EHBP1: variants seen among roughly 807,000 people sequenced by gnomAD.
The protein encoded by EHBP1 is EH domain-binding protein 1.
In EHBP1, 55 loss-of-function variants were observed where a neutral mutation model predicts 144.0. That is an observed-to-expected ratio of 0.38 (90% CI 0.31 to 0.48). EHBP1 has a LOEUF of 0.48. Among genes scored for constraint, EHBP1 ranks in the 20% least tolerant of loss-of-function variants. The pLI is 0.98. For synonymous variants in EHBP1, 469 were observed against 472.7 expected (o/e 0.99, Z 0.10); for missense variants, 1,200 against 1,364.2 (o/e 0.88, Z 1.90).
chr2:62,928,694 T>A (rs75133691), intron 10 of EHBP1, among the ~76,000 whole-genome samples: 1,708 of 151,256 alleles, frequency 0.011, 24 homozygotes, highest in Non-Finnish European at 0.016. Context: ...AACCCAAAGC[T>A]AGAAAAAGGA....
intron 19 of EHBP1, among the ~76,000 whole-genome samples, chr2:63,013,049 T>C (rs2060335637): frequency 6.6e-6 from 1 of 152,152 alleles, no homozygotes; most frequent in Non-Finnish European, 1.5e-5. Flanking sequence ...ATTTAAGTCT[T>C]CTAAGAGGTA....
At chr2:62,979,431 A>G (rs2058861335) in intron 15 of EHBP1, 96 bp downstream of exon 15, 1 of 1,344,698 alleles carries the variant, frequency 7.4e-7, no homozygotes, top group African/African-American at 1.5e-5. Flanking sequence ...TGTTGCTTCA[A>G]AAATATAAAG....
At chr2:62,966,672 T>A (rs2058261644) in intron 14 of EHBP1, among the ~76,000 whole-genome samples, 1 of 152,180 alleles carries the variant, frequency 6.6e-6, no homozygotes, top group Non-Finnish European at 1.5e-5. Context: ...CATAAAATAT[T>A]CTTTTATAAG....
At chr2:62,719,657 A>G (rs1009040068) in intron 2 of EHBP1, among the ~76,000 whole-genome samples, 14 of 152,362 alleles carry the variant, frequency 9.2e-5, no homozygotes, top group Admixed American at 7.8e-4. Context: ...AATTGTATCA[A>G]ACATGTACAG....
intron 19 of EHBP1, among the ~76,000 whole-genome samples, chr2:63,016,260 G>A (rs1190487469): frequency 6.6e-6 from 1 of 152,086 alleles, no homozygotes; most frequent in South Asian, 2.1e-4. Context: ...TAAATATGGT[G>A]TTATAGTTCT....
intron 2 of EHBP1, among the ~76,000 whole-genome samples, chr2:62,707,999 A>C (rs998493919): frequency 8.5e-5 from 13 of 152,316 alleles, no homozygotes; most frequent in Admixed American, 2.6e-4. Context: ...AAACAACAAA[A>C]ATTTTTTATT....
At chr2:63,011,180 A>G (rs2060251997) in intron 19 of EHBP1, among the ~76,000 whole-genome samples, 1 of 151,442 alleles carries the variant, frequency 6.6e-6, no homozygotes, top group Non-Finnish European at 1.5e-5. Flanking sequence ...ACAGGCAAAC[A>G]TTCACATGGG....
At chr2:62,705,271 C>G (rs188922828), upstream of EHBP1, among the ~76,000 whole-genome samples, 2 of 152,106 alleles carry the variant, frequency 1.3e-5, no homozygotes, top group African/African-American at 2.4e-5. Flanking sequence ...AACCCACAGG[C>G]AGCTGCACTG....
rs377095502 is a variant in EHBP1, at chr2:62,799,617, A to G, written c.313-26470A>G. The stretch of plus-strand genomic sequence containing the variant: ...TACAAATTGCCCTGAGGCAAGCTCA[A>G]CACTACACAAATATTTAAGTATTTG... On this transcript the variant is annotated intron_variant, in intron 5 of 22. Transcript: ENST00000431489. 6.6e-5 allele frequency among the ~76,000 whole-genome samples: 10 copies of G among 152,224 alleles called. 1 individual carries two copies. Among genetic ancestry groups the G allele is most frequent in the East Asian group, 5.8e-4 (3 of 5,204 alleles).
At chr2:62,718,886 G>A (rs2035939454) in intron 2 of EHBP1, among the ~76,000 whole-genome samples, 1 of 152,042 alleles carries the variant, frequency 6.6e-6, no homozygotes, top group African/African-American at 2.4e-5. Context: ...TATTTAAACA[G>A]GTTCATTGGT....
chr2:62,684,332 A>G (rs2033645485), intron 1 of EHBP1, among the ~76,000 whole-genome samples: 1 of 152,164 alleles, frequency 6.6e-6, no homozygotes, highest in South Asian at 2.1e-4. Flanking sequence ...TGGGGGAGGT[A>G]AAATTACTCC....
chr2:62,996,820 C>A, intron 19 of EHBP1, 54 bp downstream of exon 19: 1 of 1,592,496 alleles, frequency 6.3e-7, no homozygotes, highest in Admixed American at 1.9e-5. Flanking sequence ...CGTTCACAAA[C>A]TCTTATAGAG....
At chr2:62,922,673 C>T (rs2055177177) in intron 10 of EHBP1, among the ~76,000 whole-genome samples, 1 of 152,098 alleles carries the variant, frequency 6.6e-6, no homozygotes, top group African/African-American at 2.4e-5. Flanking sequence ...GAATAAATAG[C>T]CAAGATTTGA....
At chr2:63,013,226 G>GTT (rs1293245276) in intron 19 of EHBP1, among the ~76,000 whole-genome samples, 1 of 152,126 alleles carries the variant, frequency 6.6e-6, no homozygotes, top group African/African-American at 2.4e-5. Flanking sequence ...GTAAATTAAT[G>GTT]TTTTAATGTT....
intron 1 of EHBP1, among the ~76,000 whole-genome samples, chr2:62,676,541 G>T: frequency 6.6e-6 from 1 of 152,196 alleles, no homozygotes. Flanking sequence ...GGGTTAGCCT[G>T]TGTCTTTGAC....
intron 9 of EHBP1, among the ~76,000 whole-genome samples, chr2:62,865,181 G>A (rs1165841258): frequency 1.3e-5 from 2 of 152,154 alleles, no homozygotes; most frequent in Admixed American, 1.3e-4. Flanking sequence ...AAACTAACAA[G>A]TGAGGAAGAT....
intron 10 of EHBP1, among the ~76,000 whole-genome samples, chr2:62,890,766 G>A (rs1480029252): frequency 6.6e-6 from 1 of 152,212 alleles, no homozygotes; most frequent in Non-Finnish European, 1.5e-5. Flanking sequence ...GAAATAAGGA[G>A]CATCCAAATA....
chr2:62,685,390 A>G (rs2033684489), intron 1 of EHBP1, among the ~76,000 whole-genome samples: 1 of 151,980 alleles, frequency 6.6e-6, no homozygotes, highest in African/African-American at 2.4e-5. Flanking sequence ...TATGAGGGAG[A>G]GTCTGTTTCA....
At chr2:62,806,789 C>T (rs2044534323) in intron 5 of EHBP1, among the ~76,000 whole-genome samples, 1 of 151,888 alleles carries the variant, frequency 6.6e-6, no homozygotes, top group South Asian at 2.1e-4. Context: ...CAGTCTACAG[C>T]TAATCCAAGC....
Sources: allele counts gnomAD v4.1 joint callset (sites outside exome capture counted in the v4.1 genomes callset), GRCh38; gene constraint gnomAD v4.1.1; transcripts MANE v1.5; gene names NCBI Gene and HGNC (gene_info 2026-07-23, HGNC 2026-07-21).